PUDP: variants seen among roughly 807,000 people sequenced by gnomAD.
PUDP encodes the protein pseudouridine-5'-phosphatase.
Under a neutral mutation model 9.4 loss-of-function variants are expected in PUDP, and 8 were observed. That is an observed-to-expected ratio of 0.85 (90% CI 0.50 to 1.53). PUDP has a LOEUF of 1.53. Among genes scored for constraint, PUDP ranks in the 40% most tolerant of loss-of-function variants. The pLI is 0.00. For missense variants in PUDP, 188 were observed against 189.7 expected, an observed-to-expected ratio of 0.99 and a Z score of 0.05; for synonymous variants, 99 against 80.7, an observed-to-expected ratio of 1.23 and a Z score of -1.22.
chrX:6,816,273 T>C (rs1462532642), intron 3 of PUDP, among the ~76,000 whole-genome samples: 3 of 105,393 alleles, frequency 2.8e-5, no homozygotes, highest in Non-Finnish European at 5.8e-5. Flanking sequence ...ACATGTATAG[T>C]ATATATGTAT....
intron 3 of PUDP, among the ~76,000 whole-genome samples, chrX:6,840,440 T>C (rs756620273): frequency 7.0e-4 from 79 of 112,083 alleles, no homozygotes; most frequent in African/African-American, 2.4e-3. Flanking sequence ...CTATCAAGCA[T>C]GAAAAGACAT....
intron 3 of PUDP, among the ~76,000 whole-genome samples, chrX:6,847,141 T>C (rs1926760948): frequency 8.9e-6 from 1 of 111,905 alleles, no homozygotes; most frequent in Non-Finnish European, 1.9e-5. Flanking sequence ...AGGATATAAA[T>C]TTTGATGAAA....
intron 3 of PUDP, among the ~76,000 whole-genome samples, chrX:6,873,056 C>T (rs1005081318): frequency 5.4e-5 from 6 of 111,718 alleles, no homozygotes; most frequent in African/African-American, 1.6e-4. Flanking sequence ...AAATCAAGAG[C>T]TCCCAAGCAC....
intron 3 of PUDP, among the ~76,000 whole-genome samples, chrX:7,060,924 C>T (rs1349990476): frequency 8.9e-6 from 1 of 111,996 alleles, no homozygotes; most frequent in Non-Finnish European, 1.9e-5. Flanking sequence ...GACAAAATGG[C>T]GCCCAGGGCA....
chrX:6,766,754 G>A (rs1458101267), intron 3 of PUDP, among the ~76,000 whole-genome samples: 2 of 111,465 alleles, frequency 1.8e-5, no homozygotes, highest in African/African-American at 6.5e-5. Context: ...CTTTTCTCCT[G>A]CCCTCCCCTC....
At chrX:7,076,542 C>T (rs937735109) in intron 3 of PUDP, among the ~76,000 whole-genome samples, 2 of 111,740 alleles carry the variant, frequency 1.8e-5, no homozygotes, top group African/African-American at 6.5e-5. Flanking sequence ...CCACCACAAG[C>T]GGTCGGCTCT....
rs182568043 is a variant in PUDP, at chrX:6,941,799, C to A, written c.*247+35334G>T. 3.3e-3 allele frequency among the ~76,000 whole-genome samples: 369 copies of A among 112,086 alleles called. 2 individuals carry two copies. The highest frequency in any genetic ancestry group is 0.012 in the African/African-American group (361 of 30,885). ...TACATTGTGAAATAATTACCACGAT[C>A]AAGCTAATTAATATATCCATCAATT... is the stretch of plus-strand genomic sequence containing the variant. On this transcript the variant is annotated intron_variant and NMD_transcript_variant, in intron 3 of 3. Coordinates refer to the PUDP transcript ENST00000655425.
At chrX:6,869,169 C>T (rs1450114932) in intron 3 of PUDP, among the ~76,000 whole-genome samples, 1 of 111,885 alleles carries the variant, frequency 8.9e-6, no homozygotes, top group East Asian at 2.8e-4. Context: ...GTCCCAAAGC[C>T]CATGACTGAC....
chrX:6,836,169 C>T (rs1602639448), intron 3 of PUDP, among the ~76,000 whole-genome samples: 1 of 111,446 alleles, frequency 9.0e-6, no homozygotes, highest in East Asian at 2.8e-4. Flanking sequence ...ATTTAATATG[C>T]ACATGCATAT....
At chrX:7,050,578 G>T in intron 3 of PUDP, 106 bp from the exon 4 acceptor site, 1 of 736,936 alleles carries the variant, frequency 1.4e-6, no homozygotes, top group Non-Finnish European at 2.0e-6. Flanking sequence ...TGCAGAAAGA[G>T]ACAGAATTAC....
At chrX:6,816,154 A>G (rs1384039820) in intron 3 of PUDP, among the ~76,000 whole-genome samples, 1 of 106,895 alleles carries the variant, frequency 9.4e-6, no homozygotes, top group Non-Finnish European at 1.9e-5. Flanking sequence ...AGGAATAGCT[A>G]AGAGAAAAAG....
At chrX:7,140,127 T>C (rs1302163847) in intron 1 of PUDP, among the ~76,000 whole-genome samples, 3 of 112,196 alleles carry the variant, frequency 2.7e-5, no homozygotes, top group Non-Finnish European at 3.8e-5. Flanking sequence ...ACAGTAGAAA[T>C]GCATGTGTTA....
intron 3 of PUDP, among the ~76,000 whole-genome samples, chrX:6,965,561 TTG>T (rs1339773180): frequency 2.7e-5 from 3 of 111,956 alleles, no homozygotes; most frequent in Non-Finnish European, 5.6e-5. Flanking sequence ...GCCTCAAAGA[TTG>T]TGACAATTAA....
intron 3 of PUDP, among the ~76,000 whole-genome samples, chrX:6,964,098 C>T (rs1448451946): frequency 8.9e-6 from 1 of 112,103 alleles, no homozygotes; most frequent in African/African-American, 3.2e-5. Flanking sequence ...TTATAGGCAA[C>T]ACGGGGCTTT....
At chrX:7,114,107 C>T (rs775255698) in intron 1 of PUDP, among the ~76,000 whole-genome samples, 5 of 111,047 alleles carry the variant, frequency 4.5e-5, no homozygotes, top group African/African-American at 1.6e-4. Context: ...CGGAGTCTCG[C>T]ACTGTAGCCA....
At chrX:7,070,157 C>T (rs12689752) in intron 3 of PUDP, among the ~76,000 whole-genome samples, 1 of 111,335 alleles carries the variant, frequency 9.0e-6, no homozygotes, top group Non-Finnish European at 1.9e-5. Flanking sequence ...TAAGCAAGTG[C>T]CCTCGTGCCA....
intron 3 of PUDP, among the ~76,000 whole-genome samples, chrX:6,905,954 C>T (rs1927760451): frequency 8.9e-6 from 1 of 112,179 alleles, no homozygotes; most frequent in African/African-American, 3.2e-5. Context: ...TTCCCTCTGG[C>T]TATGTTGAAT....
intron 1 of PUDP, among the ~76,000 whole-genome samples, chrX:7,147,347 T>C (rs2146945332): frequency 9.0e-6 from 1 of 111,595 alleles, no homozygotes; most frequent in East Asian, 2.8e-4. Flanking sequence ...TCTACACTGT[T>C]GACGGCGCGG....
At chrX:6,952,309 G>C (rs4830683) in intron 3 of PUDP, among the ~76,000 whole-genome samples, 26,676 of 110,490 alleles carry the variant, frequency 0.24, 2,419 homozygotes, top group Admixed American at 0.37. Flanking sequence ...AAGTTATGAA[G>C]ATAGTACAGA....
Sources: gnomAD v4.1 joint callset for allele counts (sites outside exome capture counted in the v4.1 genomes callset) on GRCh38, gnomAD v4.1.1 for gene constraint, MANE v1.5 for transcripts, NCBI Gene and HGNC (gene_info 2026-07-23, HGNC 2026-07-21) for gene names.